Variants in SMLR1 observed in about 807,000 individuals in gnomAD.
SMLR1 encodes the protein small leucine rich protein 1.
SMLR1 carries 3 observed loss-of-function variants against 6.1 expected under a neutral mutation model. The observed-to-expected ratio is 0.49, with a 90% CI of 0.22 to 1.28. SMLR1 has a LOEUF of 1.28. Among genes scored for constraint, SMLR1 ranks in the 50% most tolerant of loss-of-function variants. The probability of loss-of-function intolerance (pLI) is 0.19; values close to 1 mark genes in which losing one functional copy is unlikely to be tolerated. For missense variants in SMLR1, 126 were observed against 124.8 expected, an observed-to-expected ratio of 1.01 and a Z score of -0.05; for synonymous variants, 55 against 53.6, an observed-to-expected ratio of 1.03 and a Z score of -0.11.
intron 1 of SMLR1, among the ~76,000 whole-genome samples, chr6:130,833,682 T>C (rs6918160): frequency 0.28 from 42,267 of 152,068 alleles, 6,863 homozygotes; most frequent in Non-Finnish European, 0.37. Flanking sequence ...TAGCTCATCA[T>C]GTCATCACAA....
intron 1 of SMLR1, among the ~76,000 whole-genome samples, chr6:130,828,583 C>G (rs1201260096): frequency 6.6e-6 from 1 of 152,092 alleles, no homozygotes; most frequent in Non-Finnish European, 1.5e-5. Flanking sequence ...TAATATATAA[C>G]CTAACAGAAG....
intron 1 of SMLR1, among the ~76,000 whole-genome samples, chr6:130,830,946 G>A (rs575340855): frequency 6.6e-6 from 1 of 152,258 alleles, no homozygotes; most frequent in East Asian, 1.9e-4. Flanking sequence ...GCAACCAGCA[G>A]CCCTCGGGGC....
intron 1 of SMLR1, among the ~76,000 whole-genome samples, chr6:130,833,702 G>A (rs1318177386): frequency 6.6e-6 from 1 of 152,118 alleles, no homozygotes; most frequent in Admixed American, 6.6e-5. Context: ...AGAATTGAAC[G>A]AGAAAGATTG....
chr6:130,827,479 C>T lies in SMLR1; in HGVS notation c.66C>T (p.Val22=). ...AGACTCAGAGGAAAGCTGCCCTGGTCCTGAGTGTGACTCCCATGGTCCCCG... is the reference window on the plus strand; with the variant it reads ...AGACTCAGAGGAAAGCTGCCCTGGTTCTGAGTGTGACTCCCATGGTCCCCG... ...QVQTQRKAAL[V]LSVTPMVPVG... is the part of the protein sequence containing the mutation. The change falls in exon 1 of 2, where the codon GTC becomes GTT. Residue 22 remains valine (V), a synonymous_variant. Coordinates refer to ENST00000541421, the MANE Select transcript of SMLR1 (RefSeq NM_001195597.2). 2 of 1,536,020 alleles carry T rather than the reference C, an allele frequency of 1.3e-6. No homozygotes were observed. The highest frequency in any genetic ancestry group is 8.7e-7 in the Non-Finnish European group (1 of 1,146,866).
intron 1 of SMLR1, among the ~76,000 whole-genome samples, chr6:130,834,640 T>C (rs1220081896): frequency 6.6e-6 from 1 of 152,160 alleles, no homozygotes; most frequent in African/African-American, 2.4e-5. Context: ...AGTGGTAGTT[T>C]GTTTGCTCTA....
intron 1 of SMLR1, 113 bp downstream of exon 1, chr6:130,827,764 A>T (rs946495113): frequency 1.2e-5 from 9 of 736,724 alleles, no homozygotes; most frequent in African/African-American, 1.8e-5. Context: ...ATATATATAT[A>T]TTTTGTAGGT....
chr6:130,829,595 A>G (rs530444736), intron 1 of SMLR1, among the ~76,000 whole-genome samples: 1 of 152,202 alleles, frequency 6.6e-6, no homozygotes, highest in Non-Finnish European at 1.5e-5. Context: ...CGTGCAAGTT[A>G]TCTAGAGATC....
chr6:130,829,354 T>C (rs1774372238), intron 1 of SMLR1, among the ~76,000 whole-genome samples: 1 of 152,186 alleles, frequency 6.6e-6, no homozygotes, highest in South Asian at 2.1e-4. Context: ...ATATGTAACA[T>C]GTAAATGGGT....
At chr6:130,831,804 C>T (rs1289502974) in intron 1 of SMLR1, among the ~76,000 whole-genome samples, 3 of 152,170 alleles carry the variant, frequency 2.0e-5, no homozygotes, top group Non-Finnish European at 4.4e-5. Flanking sequence ...AACCAGCTTG[C>T]CTGTCTCATA....
In SMLR1 at chr6:130,831,040, C is replaced by T. The variant is rs960374572; in HGVS notation, c.238+3389C>T. ...TCACTTTACGAACTCGCCCTTAATT[C>T]TTTCTTGTGCAAGATCCAAGAACTC... On this transcript the variant is annotated intron_variant, in intron 1 of 1. Coordinates refer to ENST00000541421, the MANE Select transcript of SMLR1 (RefSeq NM_001195597.2). Among the ~76,000 whole-genome samples the T allele has an allele frequency of 3.3e-5, 5 of 152,194 alleles. No individual in the cohort carries two copies. The East Asian group carries it at 9.6e-4, about 29-fold the overall frequency.
intron 1 of SMLR1, among the ~76,000 whole-genome samples, chr6:130,831,656 C>T (rs1262778248): frequency 3.9e-5 from 6 of 152,154 alleles, no homozygotes; most frequent in African/African-American, 1.4e-4. Flanking sequence ...AACAGATGGT[C>T]AAATGTCATG....
chr6:130,833,024 G>A (rs1774514349), intron 1 of SMLR1, among the ~76,000 whole-genome samples: 1 of 152,262 alleles, frequency 6.6e-6, no homozygotes, highest in African/African-American at 2.4e-5. Flanking sequence ...AACTAACAGG[G>A]CACACTGCAT....
Position 130,827,468 on chromosome 6 carries a change from G to A in SMLR1, c.55G>A (p.Ala19Thr). ...RRKQVQTQRK[A>T]ALVLSVTPMV... ...AAAACAAGTACAGACTCAGAGGAAA[G>A]CTGCCCTGGTCCTGAGTGTGACTCC... Residue 19 changes from alanine (A) to threonine (T), a missense_variant, in exon 1 of 2, where the codon GCT (alanine) becomes ACT (threonine). Ala to Thr is a moderately conservative substitution (Grantham distance 58). Coordinates refer to ENST00000541421, the MANE Select transcript of SMLR1 (RefSeq NM_001195597.2). 6.5e-7 allele frequency: 1 copy of A among 1,536,012 alleles called. No homozygotes were observed. Among genetic ancestry groups the A allele is most frequent in the Non-Finnish European group, 8.7e-7 (1 of 1,146,864 alleles).
At chr6:130,834,381 G>T (rs1303162902) in intron 1 of SMLR1, among the ~76,000 whole-genome samples, 1 of 152,156 alleles carries the variant, frequency 6.6e-6, no homozygotes, top group Admixed American at 6.6e-5. Flanking sequence ...TTTTAGTAGA[G>T]TAGCTTTAAC....
chr6:130,829,867 T>C (rs1306275267), intron 1 of SMLR1, among the ~76,000 whole-genome samples: 1 of 152,192 alleles, frequency 6.6e-6, no homozygotes, highest in East Asian at 1.9e-4. Flanking sequence ...AAAGCAAGCA[T>C]GTCAGCCTCA....
At chr6:130,833,148 T>A (rs549042515) in intron 1 of SMLR1, among the ~76,000 whole-genome samples, 2 of 152,272 alleles carry the variant, frequency 1.3e-5, no homozygotes, top group East Asian at 3.9e-4. Flanking sequence ...GACAGCCAAA[T>A]TGCAAGCTCT....
At chr6:130,828,131 T>C (rs1455897331) in intron 1 of SMLR1, among the ~76,000 whole-genome samples, 1 of 152,228 alleles carries the variant, frequency 6.6e-6, no homozygotes, top group East Asian at 1.9e-4. Context: ...AACATTCTGC[T>C]GTCACAGTCT....
At chr6:130,827,685 C>T (rs1774317848) in intron 1 of SMLR1, 34 bp downstream of exon 1, 2 of 1,465,274 alleles carry the variant, frequency 1.4e-6, no homozygotes, top group South Asian at 2.4e-5. Flanking sequence ...AGAACTTGGG[C>T]ATCCTTTCCC....
At chr6:130,827,783 A>G in intron 1 of SMLR1, 132 bp downstream of exon 1, 4 of 689,128 alleles carry the variant, frequency 5.8e-6, no homozygotes, top group Admixed American at 2.9e-5. Context: ...GTACTTCTCA[A>G]TCAGTGTTCT....
Sources: allele counts gnomAD v4.1 joint callset (sites outside exome capture counted in the v4.1 genomes callset), GRCh38; gene constraint gnomAD v4.1.1; transcripts MANE v1.5; gene names NCBI Gene and HGNC (gene_info 2026-07-23, HGNC 2026-07-21).